Variants in MARCHF1 observed in about 807,000 individuals in gnomAD.
MARCHF1 encodes membrane associated ring-CH-type finger 1.
In MARCHF1, 40 loss-of-function variants were observed where a neutral mutation model predicts 54.2. That is an observed-to-expected ratio of 0.74 (90% CI 0.57 to 0.96). The LOEUF (loss-of-function observed/expected upper bound fraction) is 0.96. MARCHF1 is among the 40% of genes least tolerant of loss of function. The probability of loss-of-function intolerance (pLI) is 0.00; values close to 1 mark genes in which losing one functional copy is unlikely to be tolerated. For missense variants in MARCHF1, 586 were observed against 656.5 expected (o/e 0.89, Z 1.17); for synonymous variants, 236 against 236.3 (o/e 1.00, Z 0.01).
intron 5 of MARCHF1, among the ~76,000 whole-genome samples, chr4:163,695,210 T>C (rs536185115): frequency 1.5e-4 from 23 of 152,296 alleles, no homozygotes; most frequent in Middle Eastern, 3.4e-3. Context: ...AGAAACACTT[T>C]CACCTTGACC....
chr4:164,231,763 A>C (rs1732420063), intron 1 of MARCHF1, among the ~76,000 whole-genome samples: 1 of 152,092 alleles, frequency 6.6e-6, no homozygotes, highest in African/African-American at 2.4e-5. Context: ...CATTCTCTCT[A>C]TATACTTTTC....
At chr4:163,677,098 T>C (rs571757207) in intron 5 of MARCHF1, among the ~76,000 whole-genome samples, 12 of 152,310 alleles carry the variant, frequency 7.9e-5, no homozygotes, top group Non-Finnish European at 1.6e-4. Flanking sequence ...AATCAAAACC[T>C]TTCAGGGAGA....
intron 3 of MARCHF1, among the ~76,000 whole-genome samples, chr4:163,965,592 CT>C (rs1166963136): frequency 6.6e-6 from 1 of 152,044 alleles, no homozygotes; most frequent in Non-Finnish European, 1.5e-5. Flanking sequence ...CCAGACTTAT[CT>C]CTGTCTTGTC....
chr4:163,895,822 T>C (rs1433294536), intron 3 of MARCHF1, among the ~76,000 whole-genome samples: 1 of 152,128 alleles, frequency 6.6e-6, no homozygotes. Flanking sequence ...ACATGGGTAA[T>C]GCACAAACAG....
chr4:163,952,744 T>A (rs1048573462), intron 3 of MARCHF1, among the ~76,000 whole-genome samples: 2 of 152,256 alleles, frequency 1.3e-5, no homozygotes, highest in South Asian at 2.1e-4. Flanking sequence ...CTATCTCCCT[T>A]GTCTTTTATC....
intron 1 of MARCHF1, among the ~76,000 whole-genome samples, chr4:164,324,464 GAATA>G (rs1327822382): frequency 6.6e-6 from 1 of 151,314 alleles, no homozygotes; most frequent in Non-Finnish European, 1.5e-5. Flanking sequence ...TCACGAAAAA[GAATA>G]TATAAAACTT....
At chr4:163,775,718 G>A (rs1196370974) in intron 4 of MARCHF1, among the ~76,000 whole-genome samples, 4 of 152,056 alleles carry the variant, frequency 2.6e-5, no homozygotes, top group Non-Finnish European at 1.5e-5. Context: ...AAAGTGCTTA[G>A]TTTTGGATGA....
chr4:163,561,722 ATTGT>A (rs981332237), intron 8 of MARCHF1, among the ~76,000 whole-genome samples: 3 of 152,048 alleles, frequency 2.0e-5, no homozygotes, highest in Non-Finnish European at 2.9e-5. Context: ...GATGGATATA[ATTGT>A]TTGTGTAGTT....
intron 1 of MARCHF1, among the ~76,000 whole-genome samples, chr4:164,242,581 C>G (rs935882107): frequency 6.6e-6 from 1 of 152,162 alleles, no homozygotes; most frequent in African/African-American, 2.4e-5. Context: ...CTCTCCTCCT[C>G]CAAAGGAATG....
chr4:163,633,613 C>G (rs535694321), intron 5 of MARCHF1, among the ~76,000 whole-genome samples: 1 of 152,128 alleles, frequency 6.6e-6, no homozygotes, highest in Admixed American at 6.5e-5. Context: ...ACCAAATCTA[C>G]GTCTGATTGG....
At chr4:163,892,352 G>T (rs757795644) in intron 3 of MARCHF1, among the ~76,000 whole-genome samples, 2 of 151,862 alleles carry the variant, frequency 1.3e-5, no homozygotes. Context: ...TCTAAGAGTG[G>T]AGCTGCTCTG....
At chr4:163,999,935 AT>A (rs1753154083) in intron 2 of MARCHF1, among the ~76,000 whole-genome samples, 1 of 151,752 alleles carries the variant, frequency 6.6e-6, no homozygotes, top group Non-Finnish European at 1.5e-5. Flanking sequence ...AAAAAACTTA[AT>A]AACAACATGT....
At chr4:164,098,821 T>A (rs1039296057) in intron 2 of MARCHF1, among the ~76,000 whole-genome samples, 7 of 152,192 alleles carry the variant, frequency 4.6e-5, no homozygotes, top group African/African-American at 1.7e-4. Context: ...ACATGACTAG[T>A]AATGCATTTA....
At chr4:163,695,235 T>C (rs1744582896) in intron 5 of MARCHF1, among the ~76,000 whole-genome samples, 2 of 152,182 alleles carry the variant, frequency 1.3e-5, no homozygotes, top group Non-Finnish European at 2.9e-5. Context: ...TGGAAAGTAC[T>C]TTGGGATCTT....
chr4:163,732,743 C>G (rs1745881427), intron 4 of MARCHF1, among the ~76,000 whole-genome samples: 1 of 152,234 alleles, frequency 6.6e-6, no homozygotes, highest in South Asian at 2.1e-4. Context: ...ACAAAAGAAT[C>G]TTTCAACTAT....
intron 2 of MARCHF1, among the ~76,000 whole-genome samples, chr4:164,101,272 A>T (rs9760653): frequency 0.7 from 105,578 of 150,950 alleles, 38,497 homozygotes; most frequent in Non-Finnish European, 0.82. Context: ...CAGCTCAAGG[A>T]GGCCTGCCTG....
intron 7 of MARCHF1, among the ~76,000 whole-genome samples, chr4:163,591,695 T>C (rs920317854): frequency 6.6e-6 from 1 of 152,156 alleles, no homozygotes; most frequent in African/African-American, 2.4e-5. Flanking sequence ...CTTAGTCAGA[T>C]CATATGGCAA....
At chr4:164,340,585 G>A (rs1729894839) in intron 1 of MARCHF1, among the ~76,000 whole-genome samples, 1 of 150,904 alleles carries the variant, frequency 6.6e-6, no homozygotes, top group South Asian at 2.1e-4. Flanking sequence ...CACCATGCCT[G>A]CCTATTTTTG....
intron 1 of MARCHF1, among the ~76,000 whole-genome samples, chr4:164,279,318 A>C (rs1423294137): frequency 6.6e-6 from 1 of 151,504 alleles, no homozygotes; most frequent in African/African-American, 2.4e-5. Context: ...CTAGGAAAAA[A>C]CAAGGGAAAT....
Sources: gnomAD v4.1 joint callset for allele counts (sites outside exome capture counted in the v4.1 genomes callset) on GRCh38, gnomAD v4.1.1 for gene constraint, MANE v1.5 for transcripts, NCBI Gene and HGNC (gene_info 2026-07-23, HGNC 2026-07-21) for gene names.